PIK3R5: variants seen among roughly 807,000 people sequenced by gnomAD.
PIK3R5 encodes the protein phosphoinositide 3-kinase regulatory subunit 5.
Under a neutral mutation model 94.9 loss-of-function variants are expected in PIK3R5, and 32 were observed. The observed-to-expected ratio is 0.34, with a 90% CI of 0.25 to 0.45. The LOEUF is 0.45. Among genes scored for constraint, PIK3R5 ranks in the 20% least tolerant of loss-of-function variants. The probability of loss-of-function intolerance (pLI) is 1.00; values close to 1 mark genes in which losing one functional copy is unlikely to be tolerated. For synonymous variants in PIK3R5, 443 were observed against 479.4 expected (o/e 0.92, Z 0.99); for missense variants, 853 against 1,144.6 (o/e 0.75, Z 3.68).
intron 1 of PIK3R5, among the ~76,000 whole-genome samples, chr17:8,943,032 A>G (rs1038878517): frequency 5.3e-5 from 8 of 151,468 alleles, no homozygotes; most frequent in Admixed American, 2.6e-4. Context: ...TGTGGACATC[A>G]TAGCACATCA....
At chr17:8,898,993 C>G (rs1356031358) in intron 5 of PIK3R5, among the ~76,000 whole-genome samples, 1 of 152,194 alleles carries the variant, frequency 6.6e-6, no homozygotes, top group African/African-American at 2.4e-5. Flanking sequence ...AATTGCAGAG[C>G]GGTTTGCATG....
rs1567658142 is a variant in PIK3R5, at chr17:8,925,087, GGATA to G, written c.-13-13584_-13-13581del. 2.0e-5 allele frequency among the ~76,000 whole-genome samples: 3 copies of G among 149,774 alleles called. No individual in the cohort carries two copies. The highest frequency in any genetic ancestry group is 4.5e-5 in the Non-Finnish European group (3 of 67,210). ...ATGGATAGATGGATAGATAGATAGT[GGATA>G]GATAGAAAGTAGATGGATAGATAGA... On this transcript the variant is annotated intron_variant, in intron 1 of 18. Coordinates refer to ENST00000447110, the MANE Select transcript of PIK3R5 (RefSeq NM_001142633.3). The surrounding 1 kb of genome is among the most constrained non-coding windows in gnomAD (Gnocchi z 5.1).
At chr17:8,950,159 G>A (rs1014776922) in intron 1 of PIK3R5, among the ~76,000 whole-genome samples, 9 of 152,144 alleles carry the variant, frequency 5.9e-5, no homozygotes, top group African/African-American at 1.4e-4. Context: ...TAAAAAATAC[G>A]AATGATAACA....
At chr17:8,913,176 G>T (rs990665581) in intron 1 of PIK3R5, among the ~76,000 whole-genome samples, 1 of 152,364 alleles carries the variant, frequency 6.6e-6, no homozygotes, top group East Asian at 1.9e-4. Flanking sequence ...TGGGGGGTCA[G>T]GGAGGCCTCT....
rs1430786373 is a variant in PIK3R5 at position 8,892,126 on chromosome 17, A to C, written c.483-1214T>G. On this transcript the variant is annotated intron_variant, in intron 6 of 18. Coordinates refer to ENST00000447110, the MANE Select transcript of PIK3R5 (RefSeq NM_001142633.3). This position sits in a 1 kb window ranked among gnomAD's most constrained non-coding sequence, Gnocchi z 4.3. ...TGAGAGCTCTTGCTCTCTCAATTCC[A>C]CACTGCGTTTAAACCCAGTGCAAAG... Among the ~76,000 whole-genome samples the C allele has an allele frequency of 1.3e-5, 2 of 151,936 alleles. No homozygotes were observed. Among genetic ancestry groups the C allele is most frequent in the Admixed American group, 6.6e-5 (1 of 15,260 alleles).
chr17:8,888,323 C>A lies in PIK3R5; in HGVS notation c.1464G>T (p.Leu488=), dbSNP rs754603543. Residue 488 remains leucine (L), a synonymous_variant, in exon 10 of 19, where the codon CTG becomes CTT. Transcript: ENST00000447110. The surrounding 1 kb of genome is among the most constrained non-coding windows in gnomAD (Gnocchi z 7.8). ...SLPQPKLGTQ[L]PSWLLAPASR... The stretch of plus-strand genomic sequence containing the variant: ...AAGCAGGGGCCAGAAGCCAGCTGGG[C>A]AGCTGGGTACCGAGTTTGGGCTGGG... The A allele has an allele frequency of 6.2e-7, 1 of 1,612,686 alleles. No homozygotes were observed.
At chr17:8,953,019 A>G (rs961141918) in intron 1 of PIK3R5, among the ~76,000 whole-genome samples, 4 of 152,214 alleles carry the variant, frequency 2.6e-5, no homozygotes, top group Non-Finnish European at 5.9e-5. Flanking sequence ...ATTCTTGACC[A>G]GCTACATCTA....
intron 1 of PIK3R5, among the ~76,000 whole-genome samples, chr17:8,915,349 G>A (rs150571252): frequency 0.026 from 3,986 of 151,752 alleles, 174 homozygotes; most frequent in East Asian, 0.14. Flanking sequence ...GCTTGAACCC[G>A]GGAGGTGGAG....
rs545278349 is a variant in PIK3R5 at position 8,927,672 on chromosome 17, C to T, written c.-13-16165G>A. Among the ~76,000 whole-genome samples, 23 of 152,316 alleles carry T rather than the reference C, an allele frequency of 1.5e-4. No homozygotes were observed. In the East Asian group the frequency reaches 4.0e-3, roughly 27 times the overall value. ...CTACCGTTTCTAGCCAGAGACGTAT[C>T]AGTGGAGGCCTGTTAGAACTTAGAT... On this transcript the variant is annotated intron_variant, in intron 1 of 18. Coordinates refer to ENST00000447110, the MANE Select transcript of PIK3R5 (RefSeq NM_001142633.3).
At position 8,911,838 on chromosome 17, in the gene PIK3R5, C is replaced by T. The variant is rs2090532606; in HGVS notation, c.-13-331G>A. The T allele has an allele frequency of 5.2e-6, 1 of 192,760 alleles. No individual in the cohort carries two copies. The highest frequency in any genetic ancestry group is 1.4e-4 in the South Asian group (1 of 7,118). 11.9% of individuals were successfully genotyped at this position (192,760 alleles called of 1,614,324 possible). On this transcript the variant is annotated intron_variant, in intron 1 of 18. Transcript: ENST00000447110. The surrounding 1 kb of genome is among the most constrained non-coding windows in gnomAD (Gnocchi z 5.3). ...AAGTACCCAGGGAGTGGTCAGACCC[C>T]AGTGGGCTGGGCAGGAAGATCCTGA...
chr17:8,919,529 G>C (rs1463684317), intron 1 of PIK3R5, among the ~76,000 whole-genome samples: 1 of 152,206 alleles, frequency 6.6e-6, no homozygotes, highest in Non-Finnish European at 1.5e-5. Flanking sequence ...CTGTCTTTGA[G>C]AATGTTCAAG....
intron 1 of PIK3R5, among the ~76,000 whole-genome samples, chr17:8,964,062 C>T (rs1020381011): frequency 2.0e-5 from 3 of 152,196 alleles, no homozygotes; most frequent in African/African-American, 4.8e-5. Context: ...GCATCTCCCA[C>T]GTGCAGCCGT....
intron 1 of PIK3R5, among the ~76,000 whole-genome samples, chr17:8,924,995 A>T (rs1387110849): frequency 1.3e-5 from 2 of 152,178 alleles, no homozygotes; most frequent in Non-Finnish European, 2.9e-5. Context: ...CAAATATACC[A>T]GATAGATAGT....
Position 8,957,724 on chromosome 17 carries a change from G to A in PIK3R5, c.-14+7872C>T, listed in dbSNP as rs143247656. ...AAGCCAAGAATCAAAGATGGCTCTC[G>A]GGCATGAGCCTGGGAGCTCTGAGGT... On this transcript the variant is annotated intron_variant, in intron 1 of 18. Transcript: ENST00000447110. Among the ~76,000 whole-genome samples the A allele has an allele frequency of 1.3e-3, 198 of 152,216 alleles. 1 individual carries two copies. Among genetic ancestry groups the A allele is most frequent in the East Asian group, 8.9e-3 (46 of 5,182 alleles).
chr17:8,886,148 G>C (rs1446248463), intron 14 of PIK3R5, 81 bp downstream of exon 14: 8 of 1,088,690 alleles, frequency 7.3e-6, no homozygotes, highest in Non-Finnish European at 1.1e-5. Context: ...CCACCTCCCA[G>C]GTAACCCCAC....
chr17:8,947,499 G>A (rs972209975), intron 1 of PIK3R5, among the ~76,000 whole-genome samples: 3 of 151,998 alleles, frequency 2.0e-5, no homozygotes, highest in Non-Finnish European at 2.9e-5. Flanking sequence ...AATTGTTTCC[G>A]TGCGTATCTA....
Position 8,892,205 on chromosome 17 carries a change from G to T in PIK3R5, c.483-1293C>A, listed in dbSNP as rs2151377659. On this transcript the variant is annotated intron_variant, in intron 6 of 18. Coordinates refer to ENST00000447110, the MANE Select transcript of PIK3R5 (RefSeq NM_001142633.3). The surrounding 1 kb of genome is among the most constrained non-coding windows in gnomAD (Gnocchi z 4.3). ...ACACTCTGGGGACGTCGGTGCCCGG[G>T]GACAGGGCAGAGACAGGACTAGTCT... Among the ~76,000 whole-genome samples, 1 of 152,244 alleles carries T rather than the reference G, an allele frequency of 6.6e-6. No homozygotes were observed. The highest frequency in any genetic ancestry group is 1.9e-4 in the East Asian group (1 of 5,174).
At chr17:8,951,808 C>G (rs2091382192) in intron 1 of PIK3R5, among the ~76,000 whole-genome samples, 1 of 152,200 alleles carries the variant, frequency 6.6e-6, no homozygotes, top group Non-Finnish European at 1.5e-5. Flanking sequence ...GGATGAGACT[C>G]AAAATTGTTC....
At chr17:8,920,804 C>T (rs983513632) in intron 1 of PIK3R5, among the ~76,000 whole-genome samples, 2 of 151,444 alleles carry the variant, frequency 1.3e-5, no homozygotes, top group African/African-American at 4.8e-5. Flanking sequence ...AAATACAGGT[C>T]CATATGTATA....
Sources: allele counts gnomAD v4.1 joint callset (sites outside exome capture counted in the v4.1 genomes callset), GRCh38; gene constraint gnomAD v4.1.1; non-coding constraint Gnocchi (gnomAD v3.1); transcripts MANE v1.5; gene names NCBI Gene and HGNC (gene_info 2026-07-23, HGNC 2026-07-21).